Variants in UFL1 observed in about 807,000 individuals in gnomAD.
UFL1 encodes the protein E3 UFM1-protein ligase 1.
A neutral mutation model predicts 99.3 loss-of-function variants in UFL1; 78 were observed. The observed-to-expected ratio is 0.79, with a 90% CI of 0.65 to 0.95. UFL1 has a LOEUF of 0.95. Among genes scored for constraint, UFL1 ranks in the 40% least tolerant of loss-of-function variants. The probability of loss-of-function intolerance (pLI) is 0.00; values close to 1 mark genes in which losing one functional copy is unlikely to be tolerated. For synonymous variants in UFL1, 335 were observed against 322.2 expected (o/e 1.04, Z -0.42); for missense variants, 936 against 937.0 (o/e 1.00, Z 0.01).
intron 10 of UFL1, 134 bp downstream of exon 10, chr6:96,538,944 C>T (rs990535871): frequency 9.0e-6 from 7 of 776,844 alleles, no homozygotes; most frequent in South Asian, 4.6e-5. Flanking sequence ...ATGTATCATT[C>T]GTTTTTATTT....
At chr6:96,524,131 G>T (rs1031213654) in intron 2 of UFL1, among the ~76,000 whole-genome samples, 3 of 151,256 alleles carry the variant, frequency 2.0e-5, no homozygotes, top group African/African-American at 2.4e-5. Flanking sequence ...GCCAATTTGT[G>T]TGCCAGTTGG....
rs1226224644 is a variant in UFL1 at position 96,548,882 on chromosome 6, T to G, written c.1521-530T>G. On this transcript the variant is annotated intron_variant, in intron 13 of 18. Transcript: ENST00000369278. ...AATCCAGGAGAGCAGTGTATCTAACTTTGATTTTAGAAATATAACTTCTGT... is the reference window on the plus strand; with the variant it reads ...AATCCAGGAGAGCAGTGTATCTAACGTTGATTTTAGAAATATAACTTCTGT... Among the ~76,000 whole-genome samples the G allele has an allele frequency of 2.0e-5, 3 of 151,758 alleles. No homozygotes were observed. The East Asian group carries it at 5.8e-4, about 29-fold the overall frequency.
intron 13 of UFL1, 53 bp from the exon 14 acceptor site, chr6:96,549,359 A>G (rs1770043607): frequency 3.5e-5 from 50 of 1,421,222 alleles, no homozygotes; most frequent in Non-Finnish European, 4.7e-5. Flanking sequence ...TTCCTTATCT[A>G]TATAAATACT....
At chr6:96,548,957 G>A (rs2475023) in intron 13 of UFL1, among the ~76,000 whole-genome samples, 62,091 of 151,166 alleles carry the variant, frequency 0.41, 13,465 homozygotes, top group African/African-American at 0.57. Context: ...ATGTATTACA[G>A]AATTATAGTT....
At position 96,526,438 on chromosome 6, in the gene UFL1, A is replaced by AT. The variant is rs752907757; in HGVS notation, c.465+11dup. On this transcript the variant is annotated splice_donor_region_variant and intron_variant, in intron 5 of 18. Coordinates refer to ENST00000369278, the MANE Select transcript of UFL1 (RefSeq NM_015323.5). ...TTCCTGGGAACTTTCTGACACAGGT[A>AT]TTTTTTTTCCTAATAATACAATGTG... 7.5e-6 allele frequency: 12 copies of AT among 1,606,724 alleles called. No individual in the cohort carries two copies. Among genetic ancestry groups the AT allele is most frequent in the Admixed American group, 3.4e-5 (2 of 58,922 alleles).
At chr6:96,534,191 C>T (rs1278660675) in intron 6 of UFL1, 72 bp from the exon 7 acceptor site, 28 of 954,488 alleles carry the variant, frequency 2.9e-5, no homozygotes, top group South Asian at 1.2e-4. Flanking sequence ...TCTAATTATC[C>T]TATTTTTAAG....
chr6:96,528,558 A>G lies in UFL1; in HGVS notation c.522A>G (p.Arg174=). The change falls in exon 6 of 19, where the codon AGA becomes AGG. Residue 174 remains arginine (R), a synonymous_variant. Transcript: ENST00000369278. ...GTGGACATATTGATCTTGATAATAG[A>G]GGAGTAATTTTTACGGAAGCTTTTG... ...IISGHIDLDN[R]GVIFTEAFVA... 6.2e-7 allele frequency: 1 copy of G among 1,613,956 alleles called. No homozygotes were observed. The highest frequency in any genetic ancestry group is 1.3e-5 in the African/African-American group (1 of 75,056).
At chr6:96,532,982 TACAACTGTTTCTGCTTTCAC>T (rs1406101114) in intron 6 of UFL1, among the ~76,000 whole-genome samples, 3 of 152,196 alleles carry the variant, frequency 2.0e-5, no homozygotes, top group Non-Finnish European at 2.9e-5. Context: ...TTTATTTTCA[TACAACTGTTTCTGCTTTCAC>T]AAGTTTGAAG....
chr6:96,527,247 T>C (rs1769717605), intron 5 of UFL1, among the ~76,000 whole-genome samples: 4 of 152,198 alleles, frequency 2.6e-5, no homozygotes, highest in Admixed American at 2.0e-4. Flanking sequence ...CACCACTTAT[T>C]TGACATCAGG....
chr6:96,535,028 A>G (rs1302205691), intron 7 of UFL1, among the ~76,000 whole-genome samples: 2 of 151,918 alleles, frequency 1.3e-5, no homozygotes, highest in Non-Finnish European at 2.9e-5. Context: ...GAATCTATAT[A>G]ATTAGGAGTT....
intron 9 of UFL1, among the ~76,000 whole-genome samples, chr6:96,538,345 A>G (rs2475028): frequency 0.056 from 8,485 of 151,848 alleles, 707 homozygotes; most frequent in African/African-American, 0.18. Flanking sequence ...TGACTTTGTG[A>G]GAAAAACGAA....
chr6:96,534,492 C>T (rs1044012526), intron 7 of UFL1, among the ~76,000 whole-genome samples, 171 bp downstream of exon 7: 2 of 151,370 alleles, frequency 1.3e-5, no homozygotes, highest in African/African-American at 2.4e-5. Context: ...ATCTGTTACA[C>T]TCACCAAACG....
In UFL1 at chr6:96,534,254, T is replaced by G; in HGVS notation, c.597-9T>G. On this transcript the variant is annotated splice_polypyrimidine_tract_variant and intron_variant, in intron 6 of 18. Coordinates refer to ENST00000369278, the MANE Select transcript of UFL1 (RefSeq NM_015323.5). ...TAAGAAGTTTTTTTTTTTTTAACTT[T>G]CCATAAAGGCCTACAGCTGTGAATT... 6.6e-7 allele frequency: 1 copy of G among 1,519,546 alleles called. No homozygotes were observed. Among genetic ancestry groups the G allele is most frequent in the Non-Finnish European group, 8.8e-7 (1 of 1,141,102 alleles). The allele number at this position is 1,519,546 out of a possible 1,614,324, so 94.1% of individuals were successfully genotyped here.
chr6:96,523,031 A>G (rs1769642543), intron 1 of UFL1, 115 bp from the exon 2 acceptor site: 1 of 959,998 alleles, frequency 1.0e-6, no homozygotes, highest in Admixed American at 3.1e-5. Context: ...ATTGTGATGT[A>G]GAAGTTAGTG....
intron 12 of UFL1, 27 bp from the exon 13 acceptor site, chr6:96,548,137 A>T: frequency 7.1e-7 from 1 of 1,415,980 alleles, no homozygotes; most frequent in Middle Eastern, 1.8e-4. Flanking sequence ...TTATTTATTT[A>T]TTTGCCATTG....
At position 96,549,693 on chromosome 6, in the gene UFL1, A is replaced by G. The variant is rs1234635667; in HGVS notation, c.1712A>G (p.Lys571Arg). Reference protein sequence around the residue: ...FADDTQAALTKHLLKSVCTDI... With the variant: ...FADDTQAALTRHLLKSVCTDI... ...GATGACACACAGGCTGCTCTTACCA[A>G]ACACTTGCTGAAGTCAGTGTGTACT... is the stretch of plus-strand genomic sequence containing the variant. The change falls in exon 15 of 19, where the codon AAA (lysine) becomes AGA (arginine). Residue 571 changes from lysine (K) to arginine (R), a missense_variant. Lys to Arg is a conservative substitution (Grantham distance 26). Coordinates refer to ENST00000369278, the MANE Select transcript of UFL1 (RefSeq NM_015323.5). 1.4e-5 allele frequency: 23 copies of G among 1,611,748 alleles called. No homozygotes were observed. Among genetic ancestry groups the G allele is most frequent in the Non-Finnish European group, 2.0e-5 (23 of 1,178,800 alleles).
At chr6:96,535,848 G>A (rs1769845304) in intron 7 of UFL1, among the ~76,000 whole-genome samples, 6 of 151,908 alleles carry the variant, frequency 3.9e-5, no homozygotes, top group Admixed American at 6.6e-5. Flanking sequence ...ATTAAAAAAC[G>A]GAACTTGTTA....
intron 8 of UFL1, among the ~76,000 whole-genome samples, chr6:96,536,662 TTATAA>T (rs1769858427): frequency 6.6e-6 from 1 of 151,802 alleles, no homozygotes; most frequent in Non-Finnish European, 1.5e-5. Flanking sequence ...TACTGAACAA[TTATAA>T]TGTAAAAAGA....
rs747809702 is a variant in UFL1 at position 96,543,041 on chromosome 6, C to T, written c.1402+25C>T. On this transcript the variant is annotated intron_variant, in intron 12 of 18. Transcript: ENST00000369278. Reference sequence around the variant, plus strand: ...GGTAGGTAGCTTTTCTTTACTTTTCCTTGGTGTATGTGTGATATTTGTAAC... The same window carrying T: ...GGTAGGTAGCTTTTCTTTACTTTTCTTTGGTGTATGTGTGATATTTGTAAC... 3.2e-6 allele frequency: 5 copies of T among 1,580,804 alleles called. No individual in the cohort carries two copies. In the South Asian group the frequency reaches 3.5e-5, roughly 11 times the overall value.
Sources: gnomAD v4.1 joint callset for allele counts (sites outside exome capture counted in the v4.1 genomes callset) on GRCh38, gnomAD v4.1.1 for gene constraint, MANE v1.5 for transcripts, NCBI Gene and HGNC (gene_info 2026-07-23, HGNC 2026-07-21) for gene names.